The following RAI14 variants were observed in gnomAD, a reference collection of about 807,000 sequenced individuals.
RAI14 encodes the protein ankycorbin.
In RAI14, 45 loss-of-function variants were observed where a neutral mutation model predicts 115.4. The ratio of observed to expected loss-of-function variants is 0.39; its 90% CI spans 0.31 to 0.50. RAI14 has a LOEUF of 0.50. Ranked by LOEUF, RAI14 falls within the 20% of genes least tolerant of loss-of-function variation. The pLI is 0.85. For missense variants in RAI14, 939 were observed against 1,131.2 expected (o/e 0.83, Z 2.44); for synonymous variants, 371 against 415.4 (o/e 0.89, Z 1.30).
At chr5:34,683,006 G>A (rs755039250) in intron 1 of RAI14, among the ~76,000 whole-genome samples, 1 of 152,192 alleles carries the variant, frequency 6.6e-6, no homozygotes, top group Non-Finnish European at 1.5e-5. Flanking sequence ...TAAGATCCCA[G>A]TTGGCCCAAG....
At chr5:34,712,853 G>A (rs1354916580) in intron 2 of RAI14, among the ~76,000 whole-genome samples, 1 of 152,096 alleles carries the variant, frequency 6.6e-6, no homozygotes, top group Non-Finnish European at 1.5e-5. Context: ...TGTGGGGAAG[G>A]GGATATGCCA....
At chr5:34,809,173 C>G (rs930338844) in intron 7 of RAI14, among the ~76,000 whole-genome samples, 10 of 152,160 alleles carry the variant, frequency 6.6e-5, no homozygotes, top group African/African-American at 2.4e-4. Context: ...TCACCAGTGG[C>G]GTTTGGGGAT....
At chr5:34,760,782 A>C (rs1268616177) in intron 3 of RAI14, among the ~76,000 whole-genome samples, 1 of 152,228 alleles carries the variant, frequency 6.6e-6, no homozygotes, top group African/African-American at 2.4e-5. Context: ...TAAAGTATAC[A>C]ATGTAGAGGC....
intron 2 of RAI14, among the ~76,000 whole-genome samples, chr5:34,725,884 T>A (rs1367719077): frequency 6.7e-6 from 1 of 148,838 alleles, no homozygotes; most frequent in Non-Finnish European, 1.5e-5. Flanking sequence ...ATCGCTTGAA[T>A]CTGGAAGGCA....
chr5:34,736,348 C>G (rs535937608), intron 2 of RAI14, among the ~76,000 whole-genome samples: 1 of 152,162 alleles, frequency 6.6e-6, no homozygotes, highest in East Asian at 1.9e-4. Context: ...TGCAGTGAGC[C>G]GAGATCGCTC....
chr5:34,792,912 A>T (rs1213633049), intron 3 of RAI14, among the ~76,000 whole-genome samples: 2 of 152,228 alleles, frequency 1.3e-5, no homozygotes, highest in Non-Finnish European at 2.9e-5. Context: ...TCAGCAGGAC[A>T]CAAGCATTCT....
intron 2 of RAI14, among the ~76,000 whole-genome samples, chr5:34,699,997 T>G (rs1368314172): frequency 6.6e-6 from 1 of 151,260 alleles, no homozygotes; most frequent in East Asian, 1.9e-4. Context: ...ATAAGGAGGG[T>G]GGGGAGAGGG....
chr5:34,749,432 A>C (rs1354768787), intron 2 of RAI14, among the ~76,000 whole-genome samples: 2 of 152,228 alleles, frequency 1.3e-5, no homozygotes, highest in Non-Finnish European at 2.9e-5. Context: ...ACTGAGTTCC[A>C]CTGGTTTTTC....
chr5:34,822,495 T>C (rs569011335), intron 14 of RAI14, among the ~76,000 whole-genome samples: 70 of 151,392 alleles, frequency 4.6e-4, no homozygotes, highest in African/African-American at 1.4e-3. Flanking sequence ...TCTGTCCCAA[T>C]AGAACCCAAA....
Position 34,818,871 on chromosome 5 carries a change from G to GTTTT in RAI14, c.994+28_994+31dup. The GTTTT allele has an allele frequency of 1.4e-6, 2 of 1,437,322 alleles. No homozygotes were observed. Among genetic ancestry groups the GTTTT allele is most frequent in the Non-Finnish European group, 1.9e-6 (2 of 1,058,436 alleles). 89.0% of individuals were successfully genotyped at this position (1,437,322 alleles called of 1,614,324 possible). A position where few individuals can be genotyped will look rare whatever the true frequency, so the allele number is the denominator to read the frequency against. ...CTACAGGTAAGACAAGGAAGCATCT[G>GTTTT]TTTTTTTTTTTCCTTCAACCAAACT... On this transcript the variant is annotated intron_variant, in intron 13 of 17. Transcript: ENST00000265109.
Position 34,769,333 on chromosome 5 carries a change from T to G in RAI14, c.167+11735T>G, listed in dbSNP as rs1369481854. On this transcript the variant is annotated intron_variant, in intron 3 of 17. Transcript: ENST00000265109. ...CTTTTCTGCTGAAAAGATTTGTCTCTGGGCCAATAGAGTTAATTCTACAGA... is the reference window on the plus strand; with the variant it reads ...CTTTTCTGCTGAAAAGATTTGTCTCGGGGCCAATAGAGTTAATTCTACAGA... Among the ~76,000 whole-genome samples, 3 of 152,176 alleles carry G rather than the reference T, an allele frequency of 2.0e-5. No individual in the cohort carries two copies. In the East Asian group the frequency reaches 5.8e-4, roughly 29 times the overall value.
chr5:34,822,664 CTTTTTTTTTTTTTTTTTTTTTTT>C (rs143092935), intron 14 of RAI14, among the ~76,000 whole-genome samples: 3 of 47,534 alleles, frequency 6.3e-5, no homozygotes, highest in Non-Finnish European at 1.2e-4. Context: ...CCTTTGGTAT[CTTTTTTTTTTTTTTTTTTTTTTT>C]TTTTTTTTTT....
chr5:34,732,008 T>C (rs1404025223), intron 2 of RAI14, among the ~76,000 whole-genome samples: 1 of 152,106 alleles, frequency 6.6e-6, no homozygotes, highest in Non-Finnish European at 1.5e-5. Context: ...CTGCTGTCTG[T>C]TTTCAGTCTC....
At chr5:34,667,947 G>A (rs1284247999) in intron 1 of RAI14, among the ~76,000 whole-genome samples, 2 of 152,176 alleles carry the variant, frequency 1.3e-5, no homozygotes, top group African/African-American at 2.4e-5. Flanking sequence ...CTGACATATT[G>A]GTGATTGATC....
chr5:34,828,599 A>G (rs537459585), intron 16 of RAI14, among the ~76,000 whole-genome samples: 1 of 152,282 alleles, frequency 6.6e-6, no homozygotes, highest in South Asian at 2.1e-4. Flanking sequence ...GGGGGGAAGG[A>G]AGAATGGGTA....
At chr5:34,800,086 G>T (rs1754084079) in intron 4 of RAI14, among the ~76,000 whole-genome samples, 1 of 152,224 alleles carries the variant, frequency 6.6e-6, no homozygotes, top group Admixed American at 6.5e-5. Context: ...CCTGTCAGAA[G>T]ATAAGGCCTT....
Position 34,687,786 on chromosome 5 carries a change from C to G in RAI14, c.36+831C>G. 2.6e-6 allele frequency: 4 copies of G among 1,516,890 alleles called. No homozygotes were observed. The South Asian group carries it at 4.8e-5, about 18-fold the overall frequency. 94.0% of individuals were successfully genotyped at this position (1,516,890 alleles called of 1,614,324 possible). A position where few individuals can be genotyped will look rare whatever the true frequency, so the allele number is the denominator to read the frequency against. On this transcript the variant is annotated intron_variant, in intron 2 of 17. Coordinates refer to ENST00000265109, the MANE Select transcript of RAI14 (RefSeq NM_015577.3). Reference sequence around the variant, plus strand: ...TCAGGCGAGGTAATTAAAGATGAACCTGGATTTTATTGCTTTGCCGTGAAT... The same window carrying G: ...TCAGGCGAGGTAATTAAAGATGAACGTGGATTTTATTGCTTTGCCGTGAAT...
intron 2 of RAI14, among the ~76,000 whole-genome samples, chr5:34,709,936 C>T (rs1229387470): frequency 6.6e-6 from 1 of 152,202 alleles, no homozygotes; most frequent in East Asian, 1.9e-4. Flanking sequence ...CGAAGAAAAG[C>T]AAATGTGATT....
chr5:34,817,903 A>G (rs111656824), intron 12 of RAI14, among the ~76,000 whole-genome samples: 19,192 of 152,290 alleles, frequency 0.13, 1,686 homozygotes, highest in Non-Finnish European at 0.18. Flanking sequence ...TGTTGGTTCC[A>G]TAGGTATACA....
Sources: gnomAD v4.1 joint callset for allele counts (sites outside exome capture counted in the v4.1 genomes callset) on GRCh38, gnomAD v4.1.1 for gene constraint, MANE v1.5 for transcripts, NCBI Gene and HGNC (gene_info 2026-07-23, HGNC 2026-07-21) for gene names.